The following CALN1 variants were observed in gnomAD, a reference collection of about 807,000 sequenced individuals.
CALN1 encodes the protein calcium-binding protein 8.
In CALN1, 17 loss-of-function variants were observed where a neutral mutation model predicts 30.6. The observed-to-expected ratio is 0.56, with a 90% CI of 0.38 to 0.83. The LOEUF (loss-of-function observed/expected upper bound fraction) is 0.83, where lower values mean the gene tolerates loss of function less well. Among genes scored for constraint, CALN1 ranks in the 40% least tolerant of loss-of-function variants. The pLI, the probability that CALN1 is intolerant of heterozygous loss-of-function variation, is 0.00. For missense variants in CALN1, 291 were observed against 354.9 expected, an observed-to-expected ratio of 0.82 and a Z score of 1.45; for synonymous variants, 156 against 131.4, an observed-to-expected ratio of 1.19 and a Z score of -1.28.
At chr7:72,142,697 C>T (rs1379455804) in intron 3 of CALN1, among the ~76,000 whole-genome samples, 1 of 152,174 alleles carries the variant, frequency 6.6e-6, no homozygotes, top group East Asian at 1.9e-4. Context: ...TCCTTGACCC[C>T]CGAGTAGCCT....
At chr7:72,180,787 C>T (rs748563254) in intron 3 of CALN1, among the ~76,000 whole-genome samples, 3 of 151,404 alleles carry the variant, frequency 2.0e-5, no homozygotes, top group Non-Finnish European at 2.9e-5. Context: ...TTTTTAAGTG[C>T]CAATCTTTGG....
chr7:71,934,210 A>T (rs1795711296), intron 5 of CALN1, among the ~76,000 whole-genome samples: 1 of 152,240 alleles, frequency 6.6e-6, no homozygotes, highest in Admixed American at 6.5e-5. Flanking sequence ...TTCTCAAAGA[A>T]AGATAATATT....
At chr7:72,212,162 C>T (rs1019455931) in intron 3 of CALN1, among the ~76,000 whole-genome samples, 1 of 151,960 alleles carries the variant, frequency 6.6e-6, no homozygotes, top group Admixed American at 6.6e-5. Flanking sequence ...ACCATCCTGG[C>T]TAACAGTGAA....
chr7:72,109,914 T>C (rs904620785), intron 3 of CALN1, among the ~76,000 whole-genome samples: 2 of 152,106 alleles, frequency 1.3e-5, no homozygotes, highest in South Asian at 2.1e-4. Context: ...CCAGCCTCTA[T>C]AGCAGGGTTT....
chr7:72,341,621 G>A (rs1032104175), intron 2 of CALN1, among the ~76,000 whole-genome samples: 1 of 152,242 alleles, frequency 6.6e-6, no homozygotes, highest in African/African-American at 2.4e-5. Context: ...CACATAACCA[G>A]AGTGGGAAAC....
chr7:72,360,594 TTTTTC>T (rs566080115), intron 2 of CALN1, among the ~76,000 whole-genome samples: 20 of 149,376 alleles, frequency 1.3e-4, no homozygotes, highest in Admixed American at 7.9e-4. Context: ...ACTGTAACAC[TTTTTC>T]TTTTCTATTT....
chr7:72,397,357 G>C (rs145516391), intron 2 of CALN1, among the ~76,000 whole-genome samples: 133 of 152,284 alleles, frequency 8.7e-4, no homozygotes, highest in African/African-American at 2.9e-3. Flanking sequence ...GATCAAGGTT[G>C]AGGCCACAGG....
intron 3 of CALN1, among the ~76,000 whole-genome samples, chr7:72,239,152 T>C (rs1794674836): frequency 6.6e-6 from 1 of 152,128 alleles, no homozygotes; most frequent in South Asian, 2.1e-4. Context: ...ATCCCAACAA[T>C]TTGGGAGGCC....
At chr7:72,448,012 A>G (rs1303270973), upstream of CALN1, among the ~76,000 whole-genome samples, 4 of 151,464 alleles carry the variant, frequency 2.6e-5, no homozygotes, top group African/African-American at 9.7e-5. Context: ...ATGCCTGCCC[A>G]GGTACACACA....
intron 2 of CALN1, among the ~76,000 whole-genome samples, chr7:72,286,172 C>A (rs939224120): frequency 2.0e-5 from 3 of 151,876 alleles, no homozygotes; most frequent in Admixed American, 6.5e-5. Context: ...TACCCAAATT[C>A]TCTTCTGTTT....
chr7:72,411,476 AAT>A, intron 1 of CALN1, among the ~76,000 whole-genome samples: 1 of 152,218 alleles, frequency 6.6e-6, no homozygotes, highest in Non-Finnish European at 1.5e-5. Flanking sequence ...TTTGAATAAA[AAT>A]ATCACTGTGA....
intron 3 of CALN1, among the ~76,000 whole-genome samples, chr7:72,257,949 T>C (rs929635099): frequency 4.6e-5 from 7 of 151,854 alleles, no homozygotes; most frequent in South Asian, 4.2e-4. Flanking sequence ...TATAATGAAC[T>C]CTGGGGACTC....
chr7:72,120,718 C>T (rs572485161), intron 3 of CALN1, among the ~76,000 whole-genome samples: 4 of 152,264 alleles, frequency 2.6e-5, no homozygotes, highest in South Asian at 2.1e-4. Flanking sequence ...TTTCATCCAA[C>T]TATCTCTTAG....
intron 3 of CALN1, among the ~76,000 whole-genome samples, chr7:72,139,370 C>A (rs1312565104): frequency 6.7e-6 from 1 of 149,540 alleles, no homozygotes; most frequent in Non-Finnish European, 1.5e-5. Flanking sequence ...CACCCTGGGT[C>A]TTCTACTCAT....
intron 5 of CALN1, among the ~76,000 whole-genome samples, chr7:71,904,741 T>C (rs1429299161): frequency 1.3e-5 from 2 of 152,222 alleles, no homozygotes; most frequent in Non-Finnish European, 2.9e-5. Flanking sequence ...ATTTGCTAAT[T>C]AGCTACATTT....
At position 72,076,961 on chromosome 7, in the gene CALN1, T is replaced by A. The variant is rs866471035; in HGVS notation, c.388+29190A>T. ...TTTTTTGAGACAGAGTCTTGCTCTG[T>A]CACCCTGGCTGGAGTGCAGTGGTAC... On this transcript the variant is annotated intron_variant, in intron 4 of 6. Transcript: ENST00000395275. Among the ~76,000 whole-genome samples, 11 of 152,304 alleles carry A rather than the reference T, an allele frequency of 7.2e-5. No homozygotes were observed. In the East Asian group the frequency reaches 1.7e-3, roughly 24 times the overall value.
intron 5 of CALN1, among the ~76,000 whole-genome samples, chr7:71,857,018 G>GTGTGTA (rs34481108): frequency 0.24 from 21,508 of 88,202 alleles, 1,763 homozygotes; most frequent in East Asian, 0.43. Context: ...GTATATGTAT[G>GTGTGTA]TGTGTGTGTG....
At chr7:71,908,942 A>G (rs1374493395) in intron 5 of CALN1, among the ~76,000 whole-genome samples, 1 of 152,196 alleles carries the variant, frequency 6.6e-6, no homozygotes, top group African/African-American at 2.4e-5. Flanking sequence ...CGTCTTATTG[A>G]GCACTTCAAT....
At chr7:72,448,299 G>A (rs1400705985), upstream of CALN1, among the ~76,000 whole-genome samples, 1 of 152,226 alleles carries the variant, frequency 6.6e-6, no homozygotes, top group Non-Finnish European at 1.5e-5. Flanking sequence ...GAGAAACGTA[G>A]CCACAGGGAT....
Sources: allele counts gnomAD v4.1 joint callset (sites outside exome capture counted in the v4.1 genomes callset), GRCh38; gene constraint gnomAD v4.1.1; transcripts MANE v1.5; gene names NCBI Gene and HGNC (gene_info 2026-07-23, HGNC 2026-07-21).